Variants in FGF13 observed in about 807,000 individuals in gnomAD.
FGF13 encodes the protein fibroblast growth factor homologous factor 2.
In FGF13, 2 loss-of-function variants were observed where a neutral mutation model predicts 19.5. The ratio of observed to expected loss-of-function variants is 0.10; its 90% CI spans 0.04 to 0.32. The LOEUF (loss-of-function observed/expected upper bound fraction) is 0.32, where lower values mean the gene tolerates loss of function less well. FGF13 is among the 10% of genes least tolerant of loss of function. The pLI, the probability that FGF13 is intolerant of heterozygous loss-of-function variation, is 1.00. For missense variants in FGF13, 113 were observed against 192.7 expected (o/e 0.59, Z 2.45); for synonymous variants, 72 against 76.9 (o/e 0.94, Z 0.33).
intron 3 of FGF13, among the ~76,000 whole-genome samples, chrX:138,830,010 C>T (rs989068295): frequency 3.6e-5 from 4 of 112,578 alleles, no homozygotes; most frequent in Non-Finnish European, 5.6e-5. Context: ...TGAGCCATCG[C>T]GCCTGGCTTA....
At chrX:138,878,655 G>C (rs1171346151) in intron 1 of FGF13, among the ~76,000 whole-genome samples, 1 of 108,021 alleles carries the variant, frequency 9.3e-6, no homozygotes, top group South Asian at 4.0e-4. Context: ...ATAATCCTTT[G>C]GGTATATACC....
intron 1 of FGF13, among the ~76,000 whole-genome samples, chrX:139,141,935 C>T (rs2083848760): frequency 1.8e-5 from 2 of 111,928 alleles, no homozygotes; most frequent in Admixed American, 1.9e-4. Flanking sequence ...GTAGTAATGT[C>T]ATGGGTTTTG....
At chrX:138,778,043 G>C (rs140238602) in intron 3 of FGF13, among the ~76,000 whole-genome samples, 1,296 of 112,025 alleles carry the variant, frequency 0.012, 11 homozygotes, top group Non-Finnish European at 0.017. Flanking sequence ...AAAGGTGGGG[G>C]TAGGAGCCAA....
chrX:138,984,626 G>GGAGGAGGAA (rs2091984707), intron 1 of FGF13, among the ~76,000 whole-genome samples: 2 of 65,042 alleles, frequency 3.1e-5, no homozygotes, highest in Non-Finnish European at 5.8e-5. Flanking sequence ...ATGAGGAAGA[G>GGAGGAGGAA]GAGGAGGAGG....
chrX:139,087,048 G>A lies in FGF13; in HGVS notation c.-113+116368C>T, dbSNP rs1603192517. ...GCAGTGGCTCACGCCTGTAATCCCAGCACTTTGGGAGGCCAAGGCGGGTGG... is the reference window on the plus strand; with the variant it reads ...GCAGTGGCTCACGCCTGTAATCCCAACACTTTGGGAGGCCAAGGCGGGTGG... On this transcript the variant is annotated intron_variant, in intron 1 of 2. Transcript: ENST00000421460. Among the ~76,000 whole-genome samples the A allele has an allele frequency of 3.5e-5, 4 of 112,851 alleles. No homozygotes were observed. The East Asian group carries it at 8.4e-4, about 24-fold the overall frequency.
chrX:138,715,769 C>G (rs1351690037), upstream of FGF13: 1 of 112,304 alleles, frequency 8.9e-6, no homozygotes, highest in Non-Finnish European at 1.9e-5. Flanking sequence ...TGCAAAAGTC[C>G]CTTTGATTCC....
At chrX:138,785,573 G>A (rs746774377) in intron 3 of FGF13, among the ~76,000 whole-genome samples, 1 of 106,756 alleles carries the variant, frequency 9.4e-6, no homozygotes, top group African/African-American at 3.3e-5. Flanking sequence ...GCTCCCAGCA[G>A]GATTTGACAC....
chrX:138,773,682 G>C (rs2090565630), intron 3 of FGF13, among the ~76,000 whole-genome samples: 1 of 111,823 alleles, frequency 8.9e-6, no homozygotes, highest in African/African-American at 3.3e-5. Context: ...CAATACCTTT[G>C]CCATGGCACA....
intron 3 of FGF13, among the ~76,000 whole-genome samples, chrX:138,828,723 ATT>A (rs565968670): frequency 1.9e-5 from 2 of 104,089 alleles, no homozygotes; most frequent in Non-Finnish European, 2.0e-5. Context: ...TATTAGAAGT[ATT>A]TTTTTTTTTT....
At chrX:139,100,791 T>C (rs928968812) in intron 1 of FGF13, among the ~76,000 whole-genome samples, 22 of 111,367 alleles carry the variant, frequency 2.0e-4, no homozygotes, top group African/African-American at 6.5e-4. Context: ...GGTTCACGGA[T>C]GCAATCTCTT....
chrX:139,125,372 G>A (rs1294308668), intron 1 of FGF13, among the ~76,000 whole-genome samples: 2 of 111,894 alleles, frequency 1.8e-5, no homozygotes, highest in Middle Eastern at 4.2e-3. Context: ...CAAAATTATG[G>A]ATGTTGTAGT....
rs1330401615 is a variant in FGF13, at chrX:138,625,342, A to G, written c.*7508T>C. The G allele has an allele frequency of 9.3e-6, 1 of 107,396 alleles. No individual in the cohort carries two copies. The highest frequency in any genetic ancestry group is 2.9e-4 in the East Asian group (1 of 3,454). The allele number at this position is 107,396 out of a possible 1,213,427, so 8.9% of individuals were successfully genotyped here. A position where few individuals can be genotyped will look rare whatever the true frequency, so the allele number is the denominator to read the frequency against. On this transcript the variant is annotated 3_prime_UTR_variant, in exon 5 of 5. Coordinates refer to ENST00000315930, the MANE Select transcript of FGF13 (RefSeq NM_004114.5). ...TGGTTATATATCCAAAGGAAATTAA[A>G]TCAGTATGCCAAACAGACATCTGCA...
At chrX:139,162,286 A>G (rs966066088) in intron 1 of FGF13, among the ~76,000 whole-genome samples, 1 of 112,227 alleles carries the variant, frequency 8.9e-6, no homozygotes, top group Non-Finnish European at 1.9e-5. Context: ...TGACAAAAAC[A>G]AGCAATGGGG....
chrX:139,036,275 T>A (rs2092250366), intron 1 of FGF13, among the ~76,000 whole-genome samples: 2 of 111,404 alleles, frequency 1.8e-5, no homozygotes, highest in Middle Eastern at 4.6e-3. Flanking sequence ...CTGCTGCTTC[T>A]CACAGCCAGC....
chrX:138,802,943 C>T (rs2090840565), intron 3 of FGF13, among the ~76,000 whole-genome samples: 1 of 111,673 alleles, frequency 9.0e-6, no homozygotes, highest in Non-Finnish European at 1.9e-5. Flanking sequence ...CTAACTCTTC[C>T]TTCTTATTTC....
intron 3 of FGF13, among the ~76,000 whole-genome samples, chrX:138,767,147 T>TG (rs1222618407): frequency 8.9e-6 from 1 of 111,733 alleles, no homozygotes; most frequent in Non-Finnish European, 1.9e-5. Context: ...GACCAGAACT[T>TG]GGAGAGCGAT....
intron 1 of FGF13, among the ~76,000 whole-genome samples, chrX:138,902,148 G>A (rs7053480): frequency 0.036 from 4,027 of 112,007 alleles, 177 homozygotes; most frequent in African/African-American, 0.12. Context: ...TTTGATTATG[G>A]TTCTGAGTGT....
chrX:138,851,413 C>T (rs1299820065), intron 3 of FGF13, among the ~76,000 whole-genome samples: 1 of 111,722 alleles, frequency 9.0e-6, no homozygotes, highest in South Asian at 3.8e-4. Flanking sequence ...TGTTTCTTAA[C>T]ATTTTAATAA....
chrX:138,887,648 T>C (rs1603000262), intron 1 of FGF13, among the ~76,000 whole-genome samples: 1 of 111,842 alleles, frequency 8.9e-6, no homozygotes, highest in South Asian at 3.8e-4. Flanking sequence ...CCCAGCACAA[T>C]GATTTGAAAC....
Sources: gnomAD v4.1 joint callset for allele counts (sites outside exome capture counted in the v4.1 genomes callset) on GRCh38, gnomAD v4.1.1 for gene constraint, MANE v1.5 for transcripts, NCBI Gene and HGNC (gene_info 2026-07-23, HGNC 2026-07-21) for gene names.